Variants in C1QTNF12 observed in about 807,000 individuals in gnomAD.
C1QTNF12 encodes the protein C1q and TNF related 12.
C1QTNF12 carries 39 observed loss-of-function variants against 34.3 expected under a neutral mutation model. The ratio of observed to expected loss-of-function variants is 1.14; its 90% CI spans 0.88 to 1.49. The LOEUF (loss-of-function observed/expected upper bound fraction) is 1.49, where lower values mean the gene tolerates loss of function less well. Ranked by LOEUF, C1QTNF12 falls within the 40% of genes most tolerant of loss-of-function variation. C1QTNF12 has a pLI of 0.00. For synonymous variants in C1QTNF12, 220 were observed against 196.9 expected (o/e 1.12, Z -0.98); for missense variants, 497 against 424.7 (o/e 1.17, Z -1.50).
Position 1,246,516 on chromosome 1 carries a change from T to G in C1QTNF12, c.175A>C (p.Lys59Gln). ...SSREGLPEAP[K>Q]PSQASGPEFS... Reference sequence around the variant, plus strand: ...CCACGTGCGTCCCGGCCGCGTACCTTGGGGGCCTCGGGCAGCCCCTCGCGG... The same window carrying G: ...CCACGTGCGTCCCGGCCGCGTACCTGGGGGGCCTCGGGCAGCCCCTCGCGG... The change falls in exon 1 of 8, where the codon AAG becomes CAG. Residue 59 changes from lysine to glutamine, a missense_variant and splice_region_variant. Physicochemically the swap from Lys to Gln is moderately conservative, Grantham distance 53. Transcript: ENST00000330388. The surrounding 1 kb of genome is among the most constrained non-coding windows in gnomAD (Gnocchi z 4.5). The G allele has an allele frequency of 8.1e-7, 1 of 1,232,810 alleles. No homozygotes were observed. 76.4% of individuals were successfully genotyped at this position (1,232,810 alleles called of 1,614,324 possible).
intron 6 of C1QTNF12, 67 bp from the exon 7 acceptor site, chr1:1,242,980 G>A (rs1051968430): frequency 2.5e-6 from 4 of 1,569,112 alleles, no homozygotes; most frequent in East Asian, 2.4e-5. Context: ...CTGCTCCAGT[G>A]CCCAGAGACC....
At chr1:1,244,567 G>T in intron 1 of C1QTNF12, 70 bp from the exon 2 acceptor site, 1 of 1,223,916 alleles carries the variant, frequency 8.2e-7, no homozygotes, top group Non-Finnish European at 1.2e-6. Flanking sequence ...CAGGGCAGCG[G>T]GGAGCACTCA....
chr1:1,242,979 T>G, intron 6 of C1QTNF12, 66 bp from the exon 7 acceptor site: 1 of 1,570,518 alleles, frequency 6.4e-7, no homozygotes, highest in Middle Eastern at 1.7e-4. Flanking sequence ...CCTGCTCCAG[T>G]GCCCAGAGAC....
At chr1:1,243,610 C>T (rs1638801814) in intron 4 of C1QTNF12, 58 bp from the exon 5 acceptor site, 8 of 1,405,922 alleles carry the variant, frequency 5.7e-6, no homozygotes, top group Middle Eastern at 2.0e-4. Flanking sequence ...CCCACAGACC[C>T]CGCCTGGGGA....
At chr1:1,243,275 G>T in intron 5 of C1QTNF12, 123 bp from the exon 6 acceptor site, 1 of 1,008,956 alleles carries the variant, frequency 9.9e-7, no homozygotes, top group South Asian at 1.6e-5. Context: ...GGGAGGGGGC[G>T]CCTGAGGCCA....
rs1201794532 is a variant in C1QTNF12 at position 1,242,509 on chromosome 1, G to A, written c.*39C>T. On this transcript the variant is annotated 3_prime_UTR_variant, in exon 8 of 8. Transcript: ENST00000330388. ...CGGGCATCAGTAGGAGGGTCCCCGGGATCCGGCGGCAGCTCCTCGCCAGCC... is the reference window on the plus strand; with the variant it reads ...CGGGCATCAGTAGGAGGGTCCCCGGAATCCGGCGGCAGCTCCTCGCCAGCC... 3 of 1,481,996 alleles carry A rather than the reference G, an allele frequency of 2.0e-6. No individual in the cohort carries two copies. The highest frequency in any genetic ancestry group is 9.2e-7 in the Non-Finnish European group (1 of 1,090,138). The allele number at this position is 1,481,996 out of a possible 1,614,324, so 91.8% of individuals were successfully genotyped here.
In C1QTNF12 at chr1:1,243,448, G is replaced by T; in HGVS notation, c.636C>A (p.His212Gln). The part of the protein sequence containing the change: ...SGIFQFSASL[H>Q]VDHSELQGKA... ...GCACTGCCCCATCCGGCTCACCCACGTGCAGACTGGCAGAGAACTGGAAGA... is the reference window on the plus strand; with the variant it reads ...GCACTGCCCCATCCGGCTCACCCACTTGCAGACTGGCAGAGAACTGGAAGA... Residue 212 changes from histidine to glutamine, a missense_variant, in exon 5 of 8, where the codon CAC (histidine) becomes CAA (glutamine). Physicochemically the swap from His to Gln is conservative, Grantham distance 24. Transcript: ENST00000330388. The T allele has an allele frequency of 6.4e-7, 1 of 1,554,112 alleles. No homozygotes were observed. The highest frequency in any genetic ancestry group is 8.7e-7 in the Non-Finnish European group (1 of 1,148,826).
At position 1,244,063 on chromosome 1, in the gene C1QTNF12, A is replaced by G; in HGVS notation, c.422T>C (p.Leu141Pro). 1 of 1,598,334 alleles carries G rather than the reference A, an allele frequency of 6.3e-7. No individual in the cohort carries two copies. The highest frequency in any genetic ancestry group is 8.5e-7 in the Non-Finnish European group (1 of 1,172,998). Residue 141 changes from leucine to proline, a missense_variant, in exon 4 of 8, where the codon CTG (leucine) becomes CCG (proline). Transcript: ENST00000330388. ...CAGCCGCAGGCCCGCCCCCTGGGGC[A>G]GCAGCGGGTCCAGAAGCCCTGAGAA... Reference protein sequence around the residue: ...RRFSGLLDPLLPQGAGLRLVG... With the variant: ...RRFSGLLDPLPPQGAGLRLVG...
chr1:1,243,447 C>T lies in C1QTNF12; in HGVS notation c.637G>A (p.Val213Met), dbSNP rs377619600. The T allele has an allele frequency of 1.9e-5, 29 of 1,553,636 alleles. No homozygotes were observed. The highest frequency in any genetic ancestry group is 5.5e-5 in the African/African-American group (4 of 73,162). ...GIFQFSASLH[V>M]DHSELQGKAR... Reference sequence around the variant, plus strand: ...GGCACTGCCCCATCCGGCTCACCCACGTGCAGACTGGCAGAGAACTGGAAG... The same window carrying T: ...GGCACTGCCCCATCCGGCTCACCCATGTGCAGACTGGCAGAGAACTGGAAG... The change falls in exon 5 of 8, where the codon GTG becomes ATG. Residue 213 changes from valine to methionine, a missense_variant. Coordinates refer to ENST00000330388, the MANE Select transcript of C1QTNF12 (RefSeq NM_001014980.3).
At position 1,243,134 on chromosome 1, in the gene C1QTNF12, C is replaced by A. The variant is rs1462705698; in HGVS notation, c.659G>T (p.Gly220Val). 6 of 1,580,222 alleles carry A rather than the reference C, an allele frequency of 3.8e-6. No individual in the cohort carries two copies. Among genetic ancestry groups the A allele is most frequent in the Admixed American group, 1.8e-5 (1 of 55,540 alleles). The change falls in exon 6 of 8, where the codon GGC becomes GTC. Residue 220 changes from glycine to valine, a missense_variant. Physicochemically the swap from Gly to Val is moderately radical, Grantham distance 109. Coordinates refer to ENST00000330388, the MANE Select transcript of C1QTNF12 (RefSeq NM_001014980.3). ...SLHVDHSELQ[G>V]KARLRARDVV... is the part of the protein sequence containing the mutation. ...GTCCCGGGCCCGCAGCCGGGCCTTG[C>A]CCTGCAGCTCACTGTGGTCTGCGGA...
At chr1:1,244,560 G>A in intron 1 of C1QTNF12, 63 bp from the exon 2 acceptor site, 1 of 1,288,804 alleles carries the variant, frequency 7.8e-7, no homozygotes. Flanking sequence ...GGGACCCCAG[G>A]GCAGCGGGGA....
At chr1:1,245,658 A>T (rs1638875498) in intron 1 of C1QTNF12, among the ~76,000 whole-genome samples, 1 of 152,064 alleles carries the variant, frequency 6.6e-6, no homozygotes, top group Non-Finnish European at 1.5e-5. Flanking sequence ...GCCGGGAACC[A>T]GCCCACTCTT....
chr1:1,247,122 C>T (rs1264540798), upstream of C1QTNF12, among the ~76,000 whole-genome samples: 3 of 152,168 alleles, frequency 2.0e-5, no homozygotes, highest in African/African-American at 7.2e-5. Flanking sequence ...CCATTGCTTC[C>T]CCAAAGGTCC....
At position 1,244,393 on chromosome 1, in the gene C1QTNF12, C is replaced by T; in HGVS notation, c.282G>A (p.Arg94=). 1 of 1,611,468 alleles carries T rather than the reference C, an allele frequency of 6.2e-7. No individual in the cohort carries two copies. The highest frequency in any genetic ancestry group is 8.5e-7 in the Non-Finnish European group (1 of 1,179,222). The change falls in exon 2 of 8, where the codon AGG becomes AGA. Residue 94 remains arginine, a synonymous_variant. Coordinates refer to ENST00000330388, the MANE Select transcript of C1QTNF12 (RefSeq NM_001014980.3). Reference sequence around the variant, plus strand: ...GGGCGGGGCTCACCGGCTTCTTGTCCCTGCTTCCGCACCGCTTCCTTAAGG... The same window carrying T: ...GGGCGGGGCTCACCGGCTTCTTGTCTCTGCTTCCGCACCGCTTCCTTAAGG... The part of the protein sequence containing the change: ...DGALRKRCGS[R]DKKPRDLFGP...
At chr1:1,243,315 C>A in intron 5 of C1QTNF12, 129 bp downstream of exon 5, 4 of 1,053,520 alleles carry the variant, frequency 3.8e-6, no homozygotes, top group Non-Finnish European at 5.5e-6. Flanking sequence ...ATGCCCAGTC[C>A]AAGGCCCCCC....
At chr1:1,245,651 G>A (rs1230293456) in intron 1 of C1QTNF12, among the ~76,000 whole-genome samples, 1 of 152,080 alleles carries the variant, frequency 6.6e-6, no homozygotes, top group Non-Finnish European at 1.5e-5. Flanking sequence ...CCCTAGCGCC[G>A]GGAACCAGCC....
intron 5 of C1QTNF12, 95 bp from the exon 6 acceptor site, chr1:1,243,247 G>A (rs1015393899): frequency 9.1e-7 from 1 of 1,101,210 alleles, no homozygotes; most frequent in Non-Finnish European, 1.3e-6. Context: ...ACAGGCCCAG[G>A]AGTGGCTGCT....
rs1638883985 is a variant in C1QTNF12, at chr1:1,246,031, G to C, written c.177+483C>G. Among the ~76,000 whole-genome samples the C allele has an allele frequency of 6.6e-6, 1 of 152,014 alleles. No homozygotes were observed. Among genetic ancestry groups the C allele is most frequent in the Admixed American group, 6.5e-5 (1 of 15,280 alleles). On this transcript the variant is annotated intron_variant, in intron 1 of 7. Transcript: ENST00000330388. The surrounding 1 kb of genome is among the most constrained non-coding windows in gnomAD (Gnocchi z 4.5). ...GGCCCCAGGACTTAACCCGCAAGAG[G>C]GGGTGCTAGCTACACAGGACCCCCA...
intron 2 of C1QTNF12, 29 bp downstream of exon 2, chr1:1,244,352 G>A (rs1286886806): frequency 1.2e-6 from 2 of 1,604,892 alleles, no homozygotes; most frequent in East Asian, 2.2e-5. Flanking sequence ...CCGGGGCTCA[G>A]ACCCTGCAGC....
Sources: gnomAD v4.1 joint callset for allele counts (sites outside exome capture counted in the v4.1 genomes callset) on GRCh38, gnomAD v4.1.1 for gene constraint, Gnocchi (gnomAD v3.1) non-coding constraint, MANE v1.5 for transcripts, NCBI Gene and HGNC (gene_info 2026-07-23, HGNC 2026-07-21) for gene names.